GPM6A: variants seen among roughly 807,000 people sequenced by gnomAD.
The protein encoded by GPM6A is neuronal membrane glycoprotein M6-a.
In GPM6A, 7 loss-of-function variants were observed where a neutral mutation model predicts 32.1. That is an observed-to-expected ratio of 0.22 (90% CI 0.12 to 0.41). The LOEUF (loss-of-function observed/expected upper bound fraction) is 0.41, where lower values mean the gene tolerates loss of function less well. Among genes scored for constraint, GPM6A ranks in the 10% least tolerant of loss-of-function variants. The pLI is 1.00. For synonymous variants in GPM6A, 130 were observed against 123.4 expected (o/e 1.05, Z -0.35); for missense variants, 235 against 347.2 (o/e 0.68, Z 2.57).
chr4:175,729,767 C>G (rs1324598523), intron 1 of GPM6A, among the ~76,000 whole-genome samples: 1 of 139,534 alleles, frequency 7.2e-6, no homozygotes, highest in Admixed American at 7.4e-5. Flanking sequence ...TATATATTAT[C>G]TATTATATTA....
At chr4:175,675,937 C>T (rs976643956) in intron 2 of GPM6A, among the ~76,000 whole-genome samples, 1 of 152,084 alleles carries the variant, frequency 6.6e-6, no homozygotes, top group Non-Finnish European at 1.5e-5. Context: ...ACCCAAATCT[C>T]ATCTTGAATT....
intron 1 of GPM6A, among the ~76,000 whole-genome samples, chr4:175,969,729 A>G (rs1740442552): frequency 6.6e-6 from 1 of 152,112 alleles, no homozygotes. Context: ...GAATAATAAC[A>G]ACAACAATAT....
chr4:175,925,636 T>C (rs1306878277), intron 1 of GPM6A, among the ~76,000 whole-genome samples: 2 of 152,220 alleles, frequency 1.3e-5, no homozygotes, highest in Middle Eastern at 3.4e-3. Flanking sequence ...ACAAGTCTTA[T>C]TGTAGTATAG....
At chr4:175,768,036 C>T (rs1733042173) in intron 1 of GPM6A, among the ~76,000 whole-genome samples, 1 of 152,108 alleles carries the variant, frequency 6.6e-6, no homozygotes, top group Non-Finnish European at 1.5e-5. Context: ...TAGTAGTTCA[C>T]CCCTAAAACT....
intron 1 of GPM6A, among the ~76,000 whole-genome samples, chr4:175,939,470 C>T (rs1739339257): frequency 6.6e-6 from 1 of 152,158 alleles, no homozygotes. Flanking sequence ...GGCTGATTTA[C>T]ATTTGCTGCC....
chr4:175,721,615 G>A (rs1041311311), intron 1 of GPM6A, among the ~76,000 whole-genome samples: 1 of 152,136 alleles, frequency 6.6e-6, no homozygotes, highest in African/African-American at 2.4e-5. Flanking sequence ...GAAAGCCATG[G>A]GAGCTAATTC....
chr4:175,666,692 A>G (rs1460884683), intron 3 of GPM6A, among the ~76,000 whole-genome samples: 1 of 152,220 alleles, frequency 6.6e-6, no homozygotes, highest in African/African-American at 2.4e-5. Context: ...CTGGAAGGGT[A>G]GTTGAGCTGG....
At chr4:175,924,839 C>CAAAAAAAAAAA (rs1190915755) in intron 1 of GPM6A, among the ~76,000 whole-genome samples, 1 of 61,994 alleles carries the variant, frequency 1.6e-5, no homozygotes, top group African/African-American at 4.5e-5. Context: ...AAATCTGTCT[C>CAAAAAAAAAAA]AAAAAAAAAA....
intron 1 of GPM6A, among the ~76,000 whole-genome samples, chr4:175,758,208 T>C (rs993344882): frequency 5.9e-5 from 9 of 152,304 alleles, no homozygotes; most frequent in Non-Finnish European, 2.9e-5. Flanking sequence ...GTATTACTTA[T>C]TTTAAAACAT....
At chr4:175,945,338 T>C (rs1161297840) in intron 1 of GPM6A, among the ~76,000 whole-genome samples, 2 of 152,160 alleles carry the variant, frequency 1.3e-5, no homozygotes, top group African/African-American at 4.8e-5. Context: ...AAACAAATAT[T>C]TAATTTAGTG....
intron 1 of GPM6A, among the ~76,000 whole-genome samples, chr4:175,960,221 T>C (rs537574152): frequency 3.5e-4 from 53 of 152,332 alleles, no homozygotes; most frequent in African/African-American, 1.3e-3. Flanking sequence ...TTGACATACT[T>C]GGAGTCAATT....
At chr4:175,933,791 T>A (rs779668821) in intron 1 of GPM6A, among the ~76,000 whole-genome samples, 1 of 151,964 alleles carries the variant, frequency 6.6e-6, no homozygotes, top group African/African-American at 2.4e-5. Flanking sequence ...TGATCCGCCC[T>A]CCTCGGCCTC....
chr4:175,660,489 A>G (rs538913146), intron 3 of GPM6A, among the ~76,000 whole-genome samples: 65 of 152,318 alleles, frequency 4.3e-4, no homozygotes, highest in African/African-American at 1.4e-3. Flanking sequence ...TATTATGTGA[A>G]AAAATAGAAA....
Position 175,634,947 on chromosome 4 carries a change from G to A in GPM6A, c.795C>T (p.Ile265=), listed in dbSNP as rs1007237411. Residue 265 remains isoleucine, a synonymous_variant, in exon 7 of 7, where the codon ATC becomes ATT. Transcript: ENST00000393658. ...GCCGCTCTTTGGAGCGAGTAGAGTGGATGTCATGAAGCTCTTGCTCTTCCT... is the reference window on the plus strand; with the variant it reads ...GCCGCTCTTTGGAGCGAGTAGAGTGAATGTCATGAAGCTCTTGCTCTTCCT... ...KSKEEQELHD[I]HSTRSKERLN... is the part of the protein sequence containing the mutation. The A allele has an allele frequency of 3.1e-6, 5 of 1,613,794 alleles. No individual in the cohort carries two copies. The South Asian group carries it at 5.5e-5, about 18-fold the overall frequency.
chr4:175,910,564 A>AAT (rs1738283077), intron 1 of GPM6A, among the ~76,000 whole-genome samples: 1 of 152,110 alleles, frequency 6.6e-6, no homozygotes, highest in South Asian at 2.1e-4. Flanking sequence ...CAGGACATGG[A>AAT]ATATATATAA....
intron 1 of GPM6A, among the ~76,000 whole-genome samples, chr4:175,782,494 A>C (rs567717271): frequency 6.6e-6 from 1 of 152,148 alleles, no homozygotes; most frequent in African/African-American, 2.4e-5. Context: ...ACATATCTCT[A>C]ATATGTTTTT....
In GPM6A at chr4:175,639,598, G is replaced by A. The variant is rs1004980315; in HGVS notation, c.684+531C>T. Among the ~76,000 whole-genome samples the A allele has an allele frequency of 9.2e-5, 14 of 152,146 alleles. 1 individual carries two copies. Among genetic ancestry groups the A allele is most frequent in the Admixed American group, 8.5e-4 (13 of 15,256 alleles). ...GAAAGGAGGAGACTGGCTCTGGCAC[G>A]TGGTAGATCCTCCTCATTGTGTAAA... is the stretch of plus-strand genomic sequence containing the variant. On this transcript the variant is annotated intron_variant, in intron 6 of 6. Coordinates refer to ENST00000393658, the MANE Select transcript of GPM6A (RefSeq NM_201591.3).
At chr4:175,852,074 C>T (rs1322269833) in intron 1 of GPM6A, among the ~76,000 whole-genome samples, 1 of 152,090 alleles carries the variant, frequency 6.6e-6, no homozygotes, top group Non-Finnish European at 1.5e-5. Flanking sequence ...GTATTGAACT[C>T]CCCATAATAC....
At chr4:175,907,646 C>T (rs750136994) in intron 1 of GPM6A, among the ~76,000 whole-genome samples, 5 of 152,066 alleles carry the variant, frequency 3.3e-5, no homozygotes, top group African/African-American at 4.8e-5. Flanking sequence ...TAAAACCCTC[C>T]GGTGAGAAAG....
Sources: allele counts gnomAD v4.1 joint callset (sites outside exome capture counted in the v4.1 genomes callset), GRCh38; gene constraint gnomAD v4.1.1; transcripts MANE v1.5; gene names NCBI Gene and HGNC (gene_info 2026-07-23, HGNC 2026-07-21).